TENM4: variants seen among roughly 807,000 people sequenced by gnomAD.
TENM4 encodes the protein teneurin-4.
A neutral mutation model predicts 243.3 loss-of-function variants in TENM4; 82 were observed. The ratio of observed to expected loss-of-function variants is 0.34; its 90% CI spans 0.28 to 0.40. The LOEUF (loss-of-function observed/expected upper bound fraction) is 0.40, where lower values mean the gene tolerates loss of function less well. Among genes scored for constraint, TENM4 ranks in the 10% least tolerant of loss-of-function variants. The pLI is 1.00. For missense variants in TENM4, 3,138 were observed against 3,673.3 expected (o/e 0.85, Z 3.77); for synonymous variants, 1,412 against 1,456.3 (o/e 0.97, Z 0.69).
chr11:79,273,268 G>A (rs548503078), intron 2 of TENM4, among the ~76,000 whole-genome samples: 1 of 152,206 alleles, frequency 6.6e-6, no homozygotes, highest in Non-Finnish European at 1.5e-5. Flanking sequence ...ACTGTAAGAT[G>A]CATCCTAATT....
intron 6 of TENM4, among the ~76,000 whole-genome samples, chr11:78,924,246 C>A (rs1180546422): frequency 2.6e-5 from 4 of 152,172 alleles, no homozygotes; most frequent in Admixed American, 2.6e-4. Context: ...CTAGCAGCCA[C>A]CCTACAACAA....
At chr11:79,170,035 T>C (rs1863005427) in intron 3 of TENM4, among the ~76,000 whole-genome samples, 1 of 152,164 alleles carries the variant, frequency 6.6e-6, no homozygotes, top group Non-Finnish European at 1.5e-5. Flanking sequence ...GGCTGGCTTT[T>C]TGGGCTTTTT....
chr11:78,759,814 C>A (rs1321924373), intron 18 of TENM4, among the ~76,000 whole-genome samples: 1 of 152,176 alleles, frequency 6.6e-6, no homozygotes, highest in Non-Finnish European at 1.5e-5. Flanking sequence ...ACCAGAGGCT[C>A]AAAGTGGTAA....
chr11:78,887,733 G>A (rs1457088008), intron 9 of TENM4, among the ~76,000 whole-genome samples: 1 of 152,186 alleles, frequency 6.6e-6, no homozygotes, highest in Non-Finnish European at 1.5e-5. Context: ...TTAAATAGCT[G>A]AAGACTAATC....
chr11:79,037,700 T>C (rs1451913445), intron 6 of TENM4, among the ~76,000 whole-genome samples: 1 of 152,168 alleles, frequency 6.6e-6, no homozygotes, highest in African/African-American at 2.4e-5. Context: ...ATACCTTTTC[T>C]CCCAAATAAC....
chr11:79,128,177 T>A (rs748455754), intron 4 of TENM4, among the ~76,000 whole-genome samples: 5 of 152,094 alleles, frequency 3.3e-5, no homozygotes, highest in African/African-American at 4.8e-5. Flanking sequence ...CATAAGTAAA[T>A]CACAGCAGAG....
At chr11:78,907,336 C>T (rs781238274) in intron 6 of TENM4, among the ~76,000 whole-genome samples, 2 of 151,362 alleles carry the variant, frequency 1.3e-5, no homozygotes, top group Non-Finnish European at 2.9e-5. Flanking sequence ...GACAAATATG[C>T]ACCCTCGTCT....
intron 7 of TENM4, among the ~76,000 whole-genome samples, chr11:78,902,692 C>T (rs1855958513): frequency 6.6e-6 from 1 of 152,158 alleles, no homozygotes; most frequent in Non-Finnish European, 1.5e-5. Context: ...CCCTTGTAAC[C>T]CAAAGCTGAT....
intron 1 of TENM4, among the ~76,000 whole-genome samples, chr11:79,418,984 G>A (rs562122769): frequency 6.6e-6 from 1 of 152,284 alleles, no homozygotes; most frequent in Admixed American, 6.5e-5. Flanking sequence ...ATAAATGTAT[G>A]GCCTCTCCAG....
intron 4 of TENM4, among the ~76,000 whole-genome samples, chr11:79,087,092 G>C (rs867070209): frequency 2.0e-5 from 3 of 152,084 alleles, no homozygotes; most frequent in Non-Finnish European, 2.9e-5. Context: ...GCAAATGTAG[G>C]CACTTAATAA....
chr11:79,303,371 A>T (rs1302223584), intron 1 of TENM4, among the ~76,000 whole-genome samples: 1 of 152,076 alleles, frequency 6.6e-6, no homozygotes, highest in Non-Finnish European at 1.5e-5. Flanking sequence ...AAATGTGGGG[A>T]TAGTAAAAGT....
At chr11:78,878,077 C>T (rs1445055291) in intron 9 of TENM4, among the ~76,000 whole-genome samples, 5 of 152,188 alleles carry the variant, frequency 3.3e-5, no homozygotes, top group Non-Finnish European at 7.3e-5. Flanking sequence ...CACATAGTTT[C>T]GAGCAGCCAT....
At chr11:78,966,458 A>C (rs1304353031) in intron 6 of TENM4, among the ~76,000 whole-genome samples, 1 of 152,080 alleles carries the variant, frequency 6.6e-6, no homozygotes, top group Non-Finnish European at 1.5e-5. Flanking sequence ...AACATTTCCT[A>C]AACACTCAGT....
intron 9 of TENM4, among the ~76,000 whole-genome samples, chr11:78,866,280 T>C (rs904359806): frequency 6.6e-6 from 1 of 152,192 alleles, no homozygotes; most frequent in African/African-American, 2.4e-5. Flanking sequence ...TAAGCAATGC[T>C]TCTTTCCCCA....
At chr11:79,305,469 AG>A (rs1856611296) in intron 1 of TENM4, among the ~76,000 whole-genome samples, 1 of 152,206 alleles carries the variant, frequency 6.6e-6, no homozygotes, top group African/African-American at 2.4e-5. Flanking sequence ...GGATCCAGTG[AG>A]GAAGAGGTCA....
intron 6 of TENM4, chr11:79,014,478 T>C (rs1249967327): frequency 1.3e-5 from 2 of 152,210 alleles, no homozygotes; most frequent in Non-Finnish European, 2.9e-5. Flanking sequence ...CAATACAGCA[T>C]ATGCACATTC....
intron 1 of TENM4, among the ~76,000 whole-genome samples, chr11:79,312,393 G>T (rs553184243): frequency 8.5e-5 from 13 of 152,290 alleles, no homozygotes; most frequent in African/African-American, 3.1e-4. Context: ...TATGTACCAG[G>T]CATTATTGCA....
At chr11:78,693,158 G>C (rs1035790947) in intron 28 of TENM4, among the ~76,000 whole-genome samples, 2 of 152,170 alleles carry the variant, frequency 1.3e-5, no homozygotes, top group African/African-American at 4.8e-5. Flanking sequence ...CATGGGCTGA[G>C]AGCAACGAAG....
intron 6 of TENM4, among the ~76,000 whole-genome samples, chr11:78,918,144 T>A (rs530347364): frequency 3.9e-5 from 6 of 152,202 alleles, no homozygotes; most frequent in Non-Finnish European, 8.8e-5. Context: ...CTCACTGACC[T>A]GTACGTTTCA....
Sources: gnomAD v4.1 joint callset for allele counts (sites outside exome capture counted in the v4.1 genomes callset) on GRCh38, gnomAD v4.1.1 for gene constraint, MANE v1.5 for transcripts, NCBI Gene and HGNC (gene_info 2026-07-23, HGNC 2026-07-21) for gene names.